Variants in FGF12 observed in about 807,000 individuals in gnomAD.
FGF12 encodes the protein fibroblast growth factor 12B.
FGF12 carries 14 observed loss-of-function variants against 23.6 expected under a neutral mutation model. The observed-to-expected ratio is 0.59, with a 90% confidence interval of 0.39 to 0.93. The LOEUF is 0.93. FGF12 is among the 40% of genes least tolerant of loss of function. The probability of loss-of-function intolerance (pLI) is 0.00; values close to 1 mark genes in which losing one functional copy is unlikely to be tolerated. For synonymous variants in FGF12, 62 were observed against 77.3 expected (o/e 0.80, Z 1.04); for missense variants, 175 against 217.8 (o/e 0.80, Z 1.24).
chr3:192,231,685 G>A (rs1051245730), intron 4 of FGF12, among the ~76,000 whole-genome samples: 4 of 151,824 alleles, frequency 2.6e-5, no homozygotes, highest in Admixed American at 6.6e-5. Context: ...CAGGAGAATC[G>A]CTTGAACCCA....
intron 2 of FGF12, among the ~76,000 whole-genome samples, chr3:192,711,241 G>A (rs919518147): frequency 1.4e-5 from 2 of 144,318 alleles, no homozygotes; most frequent in African/African-American, 2.9e-5. Context: ...GGAGGGAGGT[G>A]GGGGCCAGCC....
intron 4 of FGF12, among the ~76,000 whole-genome samples, chr3:192,288,198 G>C (rs1483132329): frequency 6.6e-6 from 1 of 152,104 alleles, no homozygotes; most frequent in Non-Finnish European, 1.5e-5. Flanking sequence ...ATGCTACTCT[G>C]TGTGACAAAG....
chr3:192,482,610 G>C (rs1723510825), intron 2 of FGF12, among the ~76,000 whole-genome samples: 1 of 152,038 alleles, frequency 6.6e-6, no homozygotes, highest in Non-Finnish European at 1.5e-5. Flanking sequence ...CGCCAGCCTG[G>C]GCAACAAAAC....
intron 2 of FGF12, among the ~76,000 whole-genome samples, chr3:192,681,526 T>C (rs1398833667): frequency 1.3e-5 from 2 of 152,202 alleles, no homozygotes; most frequent in East Asian, 1.9e-4. Flanking sequence ...AAGTAGATGA[T>C]AGTGGCTAGA....
chr3:192,192,314 G>C (rs1577221287), intron 4 of FGF12, among the ~76,000 whole-genome samples: 1 of 151,336 alleles, frequency 6.6e-6, no homozygotes, highest in Non-Finnish European at 1.5e-5. Context: ...TGTCTCTTAG[G>C]CTTACAAAAA....
At chr3:192,649,234 G>A (rs1716121694) in intron 2 of FGF12, among the ~76,000 whole-genome samples, 1 of 152,094 alleles carries the variant, frequency 6.6e-6, no homozygotes, top group Admixed American at 6.6e-5. Context: ...TTATCCAACA[G>A]TAGAGGATTG....
intron 2 of FGF12, chr3:192,407,912 T>G: frequency 1.7e-6 from 2 of 1,145,090 alleles, no homozygotes; most frequent in Non-Finnish European, 2.5e-6. Flanking sequence ...AGAAGAGGGG[T>G]CAGAATGTAA....
chr3:192,158,331 TC>T lies in FGF12; in HGVS notation c.427+12126del, dbSNP rs200986138. On this transcript the variant is annotated intron_variant, in intron 5 of 5. Coordinates refer to ENST00000445105, the MANE Select transcript of FGF12 (RefSeq NM_004113.6). ...TCCCTTTTCTCTTTCTTTCTTTCTT[TC>T]TCTTTCTTTCTTTCTTTCTTTCTTT... Among the ~76,000 whole-genome samples, 688 of 80,892 alleles carry T rather than the reference TC, an allele frequency of 8.5e-3. 9 individuals are homozygous for T. Among genetic ancestry groups the T allele is most frequent in the African/African-American group, 0.035 (576 of 16,564 alleles). The allele number at this position is 80,892 out of a possible 152,430, so 53.1% of individuals were successfully genotyped here.
intron 2 of FGF12, among the ~76,000 whole-genome samples, chr3:192,500,332 T>C (rs1170704261): frequency 6.6e-6 from 1 of 152,180 alleles, no homozygotes; most frequent in Non-Finnish European, 1.5e-5. Context: ...AAAGGTGAGA[T>C]GACAAGAGTG....
At chr3:192,298,091 C>G (rs1314614990) in intron 4 of FGF12, among the ~76,000 whole-genome samples, 1 of 152,336 alleles carries the variant, frequency 6.6e-6, no homozygotes, top group East Asian at 1.9e-4. Flanking sequence ...GCATGGCACA[C>G]AGCAATCACT....
chr3:192,598,854 A>G (rs1451773379), intron 2 of FGF12, among the ~76,000 whole-genome samples: 1 of 152,164 alleles, frequency 6.6e-6, no homozygotes, highest in Non-Finnish European at 1.5e-5. Flanking sequence ...GAAGACTTGG[A>G]ACCAACCCAA....
rs9822300 is a variant in FGF12 at position 192,483,129 on chromosome 3, C to T, written c.14-122591G>A. 8.8e-3 allele frequency among the ~76,000 whole-genome samples: 1,338 copies of T among 152,302 alleles called. 17 individuals carry two copies. Among genetic ancestry groups the T allele is most frequent in the African/African-American group, 0.03 (1,227 of 41,572 alleles). On this transcript the variant is annotated intron_variant, in intron 2 of 5. Coordinates refer to ENST00000445105, the MANE Select transcript of FGF12 (RefSeq NM_004113.6). ...CCTAGACACCTCATTCTCAGCACCC[C>T]TTATGTTAGCCACTTACATATCTTG...
chr3:192,592,799 C>T (rs1481065119), intron 2 of FGF12, among the ~76,000 whole-genome samples: 1 of 151,922 alleles, frequency 6.6e-6, no homozygotes, highest in Non-Finnish European at 1.5e-5. Context: ...CATGGAGACT[C>T]AGTACACCTC....
chr3:192,275,149 T>A (rs1713700584), intron 4 of FGF12, among the ~76,000 whole-genome samples: 1 of 152,112 alleles, frequency 6.6e-6, no homozygotes, highest in Non-Finnish European at 1.5e-5. Context: ...AGCCATTCGT[T>A]TAGACTGAGC....
intron 4 of FGF12, among the ~76,000 whole-genome samples, chr3:192,307,260 T>G (rs1045410267): frequency 6.6e-6 from 1 of 152,134 alleles, no homozygotes; most frequent in Non-Finnish European, 1.5e-5. Flanking sequence ...CTTTAGAACA[T>G]TAACCATGTG....
At chr3:192,525,113 C>T (rs1011735773) in intron 2 of FGF12, among the ~76,000 whole-genome samples, 4 of 151,900 alleles carry the variant, frequency 2.6e-5, no homozygotes, top group Non-Finnish European at 5.9e-5. Flanking sequence ...TACTATTTAC[C>T]AAGCTTCAAT....
chr3:192,579,548 CAT>C (rs938819950), intron 2 of FGF12, among the ~76,000 whole-genome samples: 13 of 152,278 alleles, frequency 8.5e-5, no homozygotes, highest in East Asian at 3.9e-4. Context: ...CTGTAAACCA[CAT>C]GTTATTATTA....
At chr3:192,488,227 C>T (rs908889856) in intron 2 of FGF12, among the ~76,000 whole-genome samples, 1 of 152,016 alleles carries the variant, frequency 6.6e-6, no homozygotes, top group African/African-American at 2.4e-5. Context: ...TGGTTCAATA[C>T]ATAATCTTGA....
chr3:192,555,628 A>T, intron 2 of FGF12, among the ~76,000 whole-genome samples: 1 of 78,788 alleles, frequency 1.3e-5, no homozygotes. Flanking sequence ...ACTAAAAAGT[A>T]CCAAAAAAAA....
Sources: gnomAD v4.1 joint callset for allele counts (sites outside exome capture counted in the v4.1 genomes callset) on GRCh38, gnomAD v4.1.1 for gene constraint, MANE v1.5 for transcripts, NCBI Gene and HGNC (gene_info 2026-07-23, HGNC 2026-07-21) for gene names.